The following ZNF629 variants were observed in gnomAD, a reference collection of about 807,000 sequenced individuals.
ZNF629 encodes zinc finger protein 629.
A neutral mutation model predicts 59.7 loss-of-function variants in ZNF629; 9 were observed. The observed-to-expected ratio is 0.15, with a 90% CI of 0.09 to 0.26. The LOEUF is 0.26. ZNF629 is among the 10% of genes least tolerant of loss of function. The pLI, the probability that ZNF629 is intolerant of heterozygous loss-of-function variation, is 1.00. For missense variants in ZNF629, 853 were observed against 1,165.4 expected, an observed-to-expected ratio of 0.73 and a Z score of 3.90; for synonymous variants, 509 against 498.9, an observed-to-expected ratio of 1.02 and a Z score of -0.27.
rs773755228 is a variant in ZNF629 at position 30,782,770 on chromosome 16, C to T, written c.1558G>A (p.Gly520Arg). The change falls in exon 3 of 3, where the codon GGG (glycine) becomes AGG (arginine). Residue 520 changes from glycine to arginine, a missense_variant. By Grantham distance (125) the Gly-to-Arg change is moderately radical. Coordinates refer to ENST00000262525, the MANE Select transcript of ZNF629 (RefSeq NM_001080417.3). The part of the protein sequence containing the change: ...DENLFVCSDC[G>R]KAFLEAHELE... ...TCGTGGGCTTCCAGGAAGGCCTTCC[C>T]GCAGTCGGAGCACACGAACAGGTTC... 4 of 1,613,860 alleles carry T rather than the reference C, an allele frequency of 2.5e-6. No homozygotes were observed. The Admixed American group carries it at 5.0e-5, about 20-fold the overall frequency.
In ZNF629 at chr16:30,782,275, C is replaced by T. The variant is rs376196570; in HGVS notation, c.2053G>A (p.Gly685Ser). ...GGAAAGAGAAAGGGCTTTTCGTTGCCGTGGGTGAGCTGATGCTGGAGGAGC... is the reference window on the plus strand; with the variant it reads ...GGAAAGAGAAAGGGCTTTTCGTTGCTGTGGGTGAGCTGATGCTGGAGGAGC... The part of the protein sequence containing the change: ...SVLLQHQLTH[G>S]NEKPFLFPDY... Residue 685 changes from glycine (G) to serine (S), a missense_variant, in exon 3 of 3, where the codon GGC becomes AGC. This residue lies in a region of ZNF629 where 420 missense variants were observed against 435.6 expected (regional missense o/e 0.96). Coordinates refer to ENST00000262525, the MANE Select transcript of ZNF629 (RefSeq NM_001080417.3). 16 of 1,612,634 alleles carry T rather than the reference C, an allele frequency of 9.9e-6. No homozygotes were observed. Among genetic ancestry groups the T allele is most frequent in the Non-Finnish European group, 1.4e-5 (16 of 1,179,302 alleles).
rs1180631348 is a variant in ZNF629, at chr16:30,782,310, T to A, written c.2018A>T (p.Asp673Val). The A allele has an allele frequency of 6.2e-7, 1 of 1,609,738 alleles. No homozygotes were observed. Among genetic ancestry groups the A allele is most frequent in the Admixed American group, 1.7e-5 (1 of 59,300 alleles). Residue 673 changes from aspartate (D) to valine (V), a missense_variant, in exon 3 of 3, where the codon GAT becomes GTT. Asp to Val is a radical substitution (Grantham distance 152). Coordinates refer to ENST00000262525, the MANE Select transcript of ZNF629 (RefSeq NM_001080417.3). ...ICSHCGESFLDRSVLLQHQLT... is the reference protein window; with the variant it reads ...ICSHCGESFLVRSVLLQHQLT... ...CTGATGCTGGAGGAGCACAGAGCGA[T>A]CCAGGAAGCTCTCTCCGCAGTGGGA...
Position 30,781,880 on chromosome 16 carries a change from G to A in ZNF629, c.2448C>T (p.Gly816=), listed in dbSNP as rs1464609031. The change falls in exon 3 of 3, where the codon GGC becomes GGT. Residue 816 remains glycine (G), a synonymous_variant. Coordinates refer to ENST00000262525, the MANE Select transcript of ZNF629 (RefSeq NM_001080417.3). The stretch of plus-strand genomic sequence containing the variant: ...TGCTCTCTGTGGGGGTAGGGGTCTC[G>A]CCCTCACCTTCCTGATCTGTGGACA... ...VTLSTDQEGE[G]ETPTPTESSS... 3.2e-6 allele frequency: 5 copies of A among 1,562,762 alleles called. No individual in the cohort carries two copies. The highest frequency in any genetic ancestry group is 3.5e-6 in the Non-Finnish European group (4 of 1,152,240).
At position 30,778,819 on chromosome 16, in the gene ZNF629, G is replaced by A. The variant is rs949751593; in HGVS notation, c.*2899C>T. 12 of 152,340 alleles carry A rather than the reference G, an allele frequency of 7.9e-5. No homozygotes were observed. Among genetic ancestry groups the A allele is most frequent in the African/African-American group, 2.9e-4 (12 of 41,330 alleles). 9.4% of individuals were successfully genotyped at this position (152,340 alleles called of 1,614,324 possible). A position where few individuals can be genotyped will look rare whatever the true frequency, so the allele number is the denominator to read the frequency against. On this transcript the variant is annotated 3_prime_UTR_variant, in exon 3 of 3. Transcript: ENST00000262525. ...TCTGTTGGGCTCCTCCCTCCACCAG[G>A]GCGTTTCTGAGGGGCCTGGGGCCTG... is the stretch of plus-strand genomic sequence containing the variant.
chr16:30,781,790 C>A lies in ZNF629; in HGVS notation c.2538G>T (p.Glu846Asp). 6.2e-7 allele frequency: 1 copy of A among 1,612,326 alleles called. No homozygotes were observed. The highest frequency in any genetic ancestry group is 8.5e-7 in the Non-Finnish European group (1 of 1,179,118). ...LVEEKPYLCPECGAGFTEVAA... is the reference protein window; with the variant it reads ...LVEEKPYLCPDCGAGFTEVAA... ...CGACTTCTGTGAAGCCGGCTCCACA[C>A]TCGGGGCACAGATAGGGCTTTTCTT... Residue 846 changes from glutamate to aspartate, a missense_variant, in exon 3 of 3, where the codon GAG becomes GAT. Glu to Asp is a conservative substitution (Grantham distance 45, BLOSUM62 2). Transcript: ENST00000262525.
At position 30,782,527 on chromosome 16, in the gene ZNF629, C is replaced by G; in HGVS notation, c.1801G>C (p.Asp601His). ...GGGGCTGCGTGTGCGATGAGGCCGT[C>G]TGCATTTTTGTAGGGGTTTTCTCCG... ...HIGENPYKNA[D>H]GLIAHAAPKP... is the part of the protein sequence containing the mutation. The change falls in exon 3 of 3, where the codon GAC becomes CAC. Residue 601 changes from aspartate to histidine, a missense_variant. By Grantham distance (81) the Asp-to-His change is moderately conservative. Transcript: ENST00000262525. 1 of 1,562,076 alleles carries G rather than the reference C, an allele frequency of 6.4e-7. No individual in the cohort carries two copies. Among genetic ancestry groups the G allele is most frequent in the Non-Finnish European group, 8.7e-7 (1 of 1,152,458 alleles).
chr16:30,786,761 C>A lies in ZNF629; in HGVS notation c.-34+267G>T, dbSNP rs1188850140. Among the ~76,000 whole-genome samples, 1 of 152,006 alleles carries A rather than the reference C, an allele frequency of 6.6e-6. No homozygotes were observed. The highest frequency in any genetic ancestry group is 1.9e-4 in the East Asian group (1 of 5,164). ...CCAGCACTGCCAGGCTCCTCCAGGG[C>A]TGCGCTGGCAGCGCTGGTCCCCGGC... On this transcript the variant is annotated intron_variant, in intron 1 of 2. Coordinates refer to ENST00000262525, the MANE Select transcript of ZNF629 (RefSeq NM_001080417.3). The surrounding 1 kb of genome is among the most constrained non-coding windows in gnomAD (Gnocchi z 4.8).
In ZNF629 at chr16:30,786,401, A is replaced by G. The variant is rs2054332227; in HGVS notation, c.-34+627T>C. 6.6e-6 allele frequency among the ~76,000 whole-genome samples: 1 copy of G among 151,974 alleles called. No homozygotes were observed. Among genetic ancestry groups the G allele is most frequent in the Admixed American group, 6.6e-5 (1 of 15,262 alleles). ...TTCTCCCCTAGTGGTCCAGAGTAGG[A>G]GGGAAAGGGTTAATGACAGGGCCGA... On this transcript the variant is annotated intron_variant, in intron 1 of 2. Coordinates refer to ENST00000262525, the MANE Select transcript of ZNF629 (RefSeq NM_001080417.3). This position sits in a 1 kb window ranked among gnomAD's most constrained non-coding sequence, Gnocchi z 4.8.
Position 30,783,391 on chromosome 16 carries a change from C to A in ZNF629, c.937G>T (p.Ala313Ser). 6.2e-7 allele frequency: 1 copy of A among 1,608,222 alleles called. No individual in the cohort carries two copies. Among genetic ancestry groups the A allele is most frequent in the Non-Finnish European group, 8.5e-7 (1 of 1,178,450 alleles). ...HNLLKHQKIH[A>S]GEKPYRCTEC... ...GTGCAGCGGTATGGCTTCTCGCCCG[C>A]GTGGATCTTCTGGTGCTTGAGGAGG... The change falls in exon 3 of 3, where the codon GCG becomes TCG. Residue 313 changes from alanine (A) to serine (S), a missense_variant. Physicochemically the swap from Ala to Ser is moderately conservative, Grantham distance 99. Coordinates refer to ENST00000262525, the MANE Select transcript of ZNF629 (RefSeq NM_001080417.3).
rs913265447 is a variant in ZNF629 at position 30,779,719 on chromosome 16, T to G, written c.*1999A>C. 2.6e-5 allele frequency: 4 copies of G among 152,204 alleles called. No homozygotes were observed. Among genetic ancestry groups the G allele is most frequent in the Non-Finnish European group, 4.4e-5 (3 of 68,044 alleles). 9.4% of individuals were successfully genotyped at this position (152,204 alleles called of 1,614,324 possible). On this transcript the variant is annotated 3_prime_UTR_variant, in exon 3 of 3. Transcript: ENST00000262525. The stretch of plus-strand genomic sequence containing the variant: ...TGGCGAAGGATTTGCATAAAGGTTG[T>G]GTGAAACTTTAGGTCATGGAATTAG...
At position 30,783,210 on chromosome 16, in the gene ZNF629, G is replaced by C; in HGVS notation, c.1118C>G (p.Pro373Arg). 6.2e-7 allele frequency: 1 copy of C among 1,612,938 alleles called. No homozygotes were observed. Among genetic ancestry groups the C allele is most frequent in the Non-Finnish European group, 8.5e-7 (1 of 1,179,558 alleles). The change falls in exon 3 of 3, where the codon CCG (proline) becomes CGG (arginine). Residue 373 changes from proline (P) to arginine (R), a missense_variant. Around this residue, in one of 3 missense-constraint regions of ZNF629, gnomAD observed 201 missense variants for 536.5 expected, o/e 0.37. Transcript: ENST00000262525. ...CTTGCCGCACACTGGGCACTTGAAC[G>C]GGTCCTCGCGCAGGTGAGTCCGCTG... ...KHQRTHLRED[P>R]FKCPVCGKTF...
rs1320703538 is a variant in ZNF629 at position 30,786,347 on chromosome 16, G to A, written c.-34+681C>T. On this transcript the variant is annotated intron_variant, in intron 1 of 2. Transcript: ENST00000262525. The surrounding 1 kb of genome is among the most constrained non-coding windows in gnomAD (Gnocchi z 4.8). ...CTGTGTTTGCTCGGGACAGGTAAGA[G>A]TTTGTGGACCTCGATGGTCTCCAAA... 6.6e-6 allele frequency among the ~76,000 whole-genome samples: 1 copy of A among 152,142 alleles called. No homozygotes were observed.
At chr16:30,784,809 C>G (rs1202483433) in intron 1 of ZNF629, among the ~76,000 whole-genome samples, 1 of 152,194 alleles carries the variant, frequency 6.6e-6, no homozygotes, top group Non-Finnish European at 1.5e-5. Context: ...GGAGCGGTCT[C>G]TGACATCCAC....
rs914303772 is a variant in ZNF629 at position 30,778,510 on chromosome 16, A to G, written c.*3208T>C. The G allele has an allele frequency of 6.5e-6, 1 of 152,708 alleles. No homozygotes were observed. Among genetic ancestry groups the G allele is most frequent in the African/African-American group, 2.4e-5 (1 of 41,444 alleles). 9.5% of individuals were successfully genotyped at this position (152,708 alleles called of 1,614,324 possible). A position where few individuals can be genotyped will look rare whatever the true frequency, so the allele number is the denominator to read the frequency against. On this transcript the variant is annotated 3_prime_UTR_variant, in exon 3 of 3. Coordinates refer to ENST00000262525, the MANE Select transcript of ZNF629 (RefSeq NM_001080417.3). ...TAAGCAACATGACCACCAGTGACACAACACTGTTTTGGACACACAACACTC... is the reference window on the plus strand; with the variant it reads ...TAAGCAACATGACCACCAGTGACACGACACTGTTTTGGACACACAACACTC...
rs921029968 is a variant in ZNF629 at position 30,781,337 on chromosome 16, T to C, written c.*381A>G. On this transcript the variant is annotated 3_prime_UTR_variant, in exon 3 of 3. Transcript: ENST00000262525. ...GCGGTACTTCCCCGACCCTATAGGA[T>C]TTTCCTAAGGATTTTGATACAATTT... 1 of 158,858 alleles carries C rather than the reference T, an allele frequency of 6.3e-6. No individual in the cohort carries two copies. The highest frequency in any genetic ancestry group is 1.4e-5 in the Non-Finnish European group (1 of 72,398). The allele number at this position is 158,858 out of a possible 1,614,324, so 9.8% of individuals were successfully genotyped here. A position where few individuals can be genotyped will look rare whatever the true frequency, so the allele number is the denominator to read the frequency against.
rs750476125 is a variant in ZNF629 at position 30,783,945 on chromosome 16, A to T, written c.383T>A (p.Val128Asp). 1 of 1,588,408 alleles carries T rather than the reference A, an allele frequency of 6.3e-7. No individual in the cohort carries two copies. The highest frequency in any genetic ancestry group is 8.6e-7 in the Non-Finnish European group (1 of 1,167,114). ...ALTTWNSPPV[V>D]PANEPSLREL... ...CCGCAGGCTGGGCTCGTTGGCGGGG[A>T]CGACTGGGGGGCTGTTCCATGTGGT... The change falls in exon 3 of 3, where the codon GTC (valine) becomes GAC (aspartate). Residue 128 changes from valine (V) to aspartate (D), a missense_variant. Transcript: ENST00000262525.
At position 30,783,708 on chromosome 16, in the gene ZNF629, T is replaced by C. The variant is rs1567295045; in HGVS notation, c.620A>G (p.Lys207Arg). The change falls in exon 3 of 3, where the codon AAG becomes AGG. Residue 207 changes from lysine to arginine, a missense_variant. Physicochemically the swap from Lys to Arg is conservative, Grantham distance 26. This residue lies in a region of ZNF629 where 201 missense variants were observed against 536.5 expected (regional missense o/e 0.37). Transcript: ENST00000262525. ...GAAGCACTTGCCGCAGTCGGGGCAC[T>C]TGTAGGGCTTCTCGCCGGTGTGCGT... ...QRTHTGEKPY[K>R]CPDCGKCFSW... The C allele has an allele frequency of 6.2e-7, 1 of 1,612,384 alleles. No homozygotes were observed. Among genetic ancestry groups the C allele is most frequent in the Admixed American group, 1.7e-5 (1 of 59,918 alleles).
In ZNF629 at chr16:30,786,051, C is replaced by T. The variant is rs752771265; in HGVS notation, c.-34+977G>A. Among the ~76,000 whole-genome samples, 1 of 151,832 alleles carries T rather than the reference C, an allele frequency of 6.6e-6. No individual in the cohort carries two copies. Among genetic ancestry groups the T allele is most frequent in the Non-Finnish European group, 1.5e-5 (1 of 67,980 alleles). ...ACTTTGGATGGCTGTGTGAGGTGGG[C>T]GCTGTGTGCACAGGGGCAGTGGGGC... On this transcript the variant is annotated intron_variant, in intron 1 of 2. Coordinates refer to ENST00000262525, the MANE Select transcript of ZNF629 (RefSeq NM_001080417.3). The surrounding 1 kb of genome is among the most constrained non-coding windows in gnomAD (Gnocchi z 4.8).
In ZNF629 at chr16:30,783,632, C is replaced by T; in HGVS notation, c.696G>A (p.Lys232=). The stretch of plus-strand genomic sequence containing the variant: ...TCTCGCACTCCGTGCACTTGTAGGG[C>T]TTCTCTCCCGTGTGCGTGCGCTGGT... ...VQHQRTHTGE[K]PYKCTECEKA... is the part of the protein sequence containing the mutation. The change falls in exon 3 of 3, where the codon AAG becomes AAA. Residue 232 remains lysine, a synonymous_variant. Coordinates refer to ENST00000262525, the MANE Select transcript of ZNF629 (RefSeq NM_001080417.3). 1 of 1,613,818 alleles carries T rather than the reference C, an allele frequency of 6.2e-7. No homozygotes were observed. Among genetic ancestry groups the T allele is most frequent in the Non-Finnish European group, 8.5e-7 (1 of 1,179,876 alleles).
Sources: gnomAD v4.1 joint callset for allele counts (sites outside exome capture counted in the v4.1 genomes callset) on GRCh38, gnomAD v4.1.1 for gene constraint, gnomAD v4.1.1 regional missense constraint, Gnocchi (gnomAD v3.1) non-coding constraint, MANE v1.5 for transcripts, NCBI Gene and HGNC (gene_info 2026-07-23, HGNC 2026-07-21) for gene names.